The following CNTNAP2 variants were observed in gnomAD, a reference collection of about 807,000 sequenced individuals.
CNTNAP2 encodes contactin-associated protein-like 2.
In CNTNAP2, 98 loss-of-function variants were observed where a neutral mutation model predicts 155.2. The ratio of observed to expected loss-of-function variants is 0.63; its 90% confidence interval spans 0.54 to 0.75. The LOEUF is 0.75. Among genes scored for constraint, CNTNAP2 ranks in the 30% least tolerant of loss-of-function variants. The pLI is 0.00. For missense variants in CNTNAP2, 1,727 were observed against 1,688.1 expected, an observed-to-expected ratio of 1.02 and a Z score of -0.40; for synonymous variants, 651 against 631.2, an observed-to-expected ratio of 1.03 and a Z score of -0.47.
At chr7:146,864,848 G>A (rs892173633) in intron 3 of CNTNAP2, among the ~76,000 whole-genome samples, 2 of 151,584 alleles carry the variant, frequency 1.3e-5, no homozygotes, top group African/African-American at 4.9e-5. Context: ...AGAACCTGCA[G>A]GGTGGCAGGC....
chr7:147,713,424 A>G (rs1408065591), intron 13 of CNTNAP2, among the ~76,000 whole-genome samples: 2 of 152,078 alleles, frequency 1.3e-5, no homozygotes, highest in Non-Finnish European at 1.5e-5. Context: ...GTGTGTCTAG[A>G]TCCTTTTACT....
chr7:146,968,091 T>G (rs1797696465), intron 3 of CNTNAP2, among the ~76,000 whole-genome samples: 1 of 151,192 alleles, frequency 6.6e-6, no homozygotes, highest in East Asian at 1.9e-4. Context: ...TCTTTGGTTC[T>G]GTTTATATGC....
chr7:147,045,181 G>A (rs1400342368), intron 4 of CNTNAP2, among the ~76,000 whole-genome samples: 1 of 152,050 alleles, frequency 6.6e-6, no homozygotes, highest in Non-Finnish European at 1.5e-5. Context: ...AGGGGATTTG[G>A]TTTCTCTATG....
intron 1 of CNTNAP2, among the ~76,000 whole-genome samples, chr7:146,582,873 T>G: frequency 6.7e-6 from 1 of 149,032 alleles, no homozygotes; most frequent in Non-Finnish European, 1.5e-5. Context: ...CTCTGATCTA[T>G]AAATATAAAT....
chr7:148,265,263 A>G (rs568428272), intron 20 of CNTNAP2, among the ~76,000 whole-genome samples: 1 of 152,208 alleles, frequency 6.6e-6, no homozygotes, highest in South Asian at 2.1e-4. Flanking sequence ...TCTGAACGGA[A>G]TAAGTGTTTT....
chr7:148,367,794 A>G (rs1637864), intron 21 of CNTNAP2, among the ~76,000 whole-genome samples: 108,974 of 151,960 alleles, frequency 0.72, 40,186 homozygotes, highest in Admixed American at 0.81. Flanking sequence ...ACATGTCACC[A>G]AGAGAAAATG....
At chr7:148,212,843 G>C (rs1466466249) in intron 18 of CNTNAP2, among the ~76,000 whole-genome samples, 1 of 152,144 alleles carries the variant, frequency 6.6e-6, no homozygotes, top group Non-Finnish European at 1.5e-5. Flanking sequence ...CCCAGGCTTT[G>C]CTTTAACAGT....
At chr7:147,286,995 G>GA (rs904428462) in intron 8 of CNTNAP2, among the ~76,000 whole-genome samples, 23 of 151,008 alleles carry the variant, frequency 1.5e-4, no homozygotes, top group South Asian at 6.3e-4. Flanking sequence ...CTTTGTTAAA[G>GA]AAAAAAAAAT....
intron 1 of CNTNAP2, among the ~76,000 whole-genome samples, chr7:146,646,462 G>A (rs2215327): frequency 0.18 from 27,346 of 152,106 alleles, 2,905 homozygotes; most frequent in East Asian, 0.47. Context: ...TATAGTAACA[G>A]TAATGTATAA....
At chr7:147,516,504 C>G (rs889154754) in intron 11 of CNTNAP2, among the ~76,000 whole-genome samples, 1 of 152,144 alleles carries the variant, frequency 6.6e-6, no homozygotes, top group African/African-American at 2.4e-5. Flanking sequence ...TTACCTAAAT[C>G]TACTTGGGAT....
rs1228820446 is a variant in CNTNAP2, at chr7:147,749,967, A to G, written c.2098+110661A>G. On this transcript the variant is annotated intron_variant, in intron 13 of 23. Coordinates refer to ENST00000361727, the MANE Select transcript of CNTNAP2 (RefSeq NM_014141.6). ...TTTGATATTTATCAATGAGATCTTT[A>G]TAGTATCAGAAATCTTAAAGTTATT... Among the ~76,000 whole-genome samples the G allele has an allele frequency of 2.6e-5, 4 of 152,354 alleles. No homozygotes were observed. In the East Asian group the frequency reaches 7.7e-4, roughly 29 times the overall value.
chr7:148,388,945 G>T (rs948327107), intron 22 of CNTNAP2, among the ~76,000 whole-genome samples: 3 of 152,068 alleles, frequency 2.0e-5, no homozygotes, highest in African/African-American at 7.2e-5. Context: ...TGCCCCTACT[G>T]GGGGGTGCCT....
At chr7:147,737,895 C>T (rs781737709) in intron 13 of CNTNAP2, among the ~76,000 whole-genome samples, 4 of 152,286 alleles carry the variant, frequency 2.6e-5, no homozygotes, top group African/African-American at 7.2e-5. Flanking sequence ...GGGAGTGACC[C>T]GATTTTCCAG....
chr7:147,113,443 TAA>T (rs1032039390), intron 5 of CNTNAP2, among the ~76,000 whole-genome samples: 2 of 143,612 alleles, frequency 1.4e-5, no homozygotes, highest in Non-Finnish European at 3.1e-5. Flanking sequence ...AGTGATTTAT[TAA>T]AAAAAAAAAA....
chr7:147,993,410 A>G (rs867775613), intron 15 of CNTNAP2, among the ~76,000 whole-genome samples: 1 of 152,194 alleles, frequency 6.6e-6, no homozygotes, highest in African/African-American at 2.4e-5. Context: ...GTTATTATTT[A>G]AGTACAACAG....
intron 1 of CNTNAP2, among the ~76,000 whole-genome samples, chr7:146,188,118 G>T (rs775117980): frequency 4.6e-5 from 7 of 152,072 alleles, no homozygotes; most frequent in Non-Finnish European, 1.5e-5. Flanking sequence ...TATCACAAAT[G>T]ACAAAGGAAA....
intron 13 of CNTNAP2, among the ~76,000 whole-genome samples, chr7:147,839,195 C>A (rs1218068662): frequency 6.6e-6 from 1 of 152,106 alleles, no homozygotes; most frequent in Non-Finnish European, 1.5e-5. Flanking sequence ...ATTGTATCCA[C>A]CCAGATTGAG....
At chr7:146,723,607 C>T (rs1022987811) in intron 1 of CNTNAP2, among the ~76,000 whole-genome samples, 1 of 152,066 alleles carries the variant, frequency 6.6e-6, no homozygotes, top group Non-Finnish European at 1.5e-5. Flanking sequence ...TAATGACTCA[C>T]CTGGGAAGAA....
intron 13 of CNTNAP2, among the ~76,000 whole-genome samples, chr7:147,809,406 T>C (rs573971213): frequency 1.1e-4 from 17 of 152,330 alleles, no homozygotes; most frequent in African/African-American, 4.1e-4. Context: ...AGGTGCATTT[T>C]TTTTATTTCC....
Sources: gnomAD v4.1 joint callset for allele counts (sites outside exome capture counted in the v4.1 genomes callset) on GRCh38, gnomAD v4.1.1 for gene constraint, MANE v1.5 for transcripts, NCBI Gene and HGNC (gene_info 2026-07-23, HGNC 2026-07-21) for gene names.